Variants in GARNL3 observed in about 807,000 individuals in gnomAD.
GARNL3 encodes GTPase activating Rap/RanGAP domain like 3, also known as GTPase-activating Rap/Ran-GAP domain-like protein 3.
A neutral mutation model predicts 125.0 loss-of-function variants in GARNL3; 63 were observed. The ratio of observed to expected loss-of-function variants is 0.50; its 90% CI spans 0.41 to 0.62. The LOEUF (loss-of-function observed/expected upper bound fraction) is 0.62. Ranked by LOEUF, GARNL3 falls within the 20% of genes least tolerant of loss-of-function variation. The pLI is 0.00. For missense variants in GARNL3, 994 were observed against 1,244.0 expected (o/e 0.80, Z 3.02); for synonymous variants, 439 against 457.5 (o/e 0.96, Z 0.52).
intron 22 of GARNL3, among the ~76,000 whole-genome samples, chr9:127,370,360 A>T (rs949252772): frequency 3.3e-5 from 5 of 152,238 alleles, no homozygotes; most frequent in African/African-American, 1.2e-4. Context: ...GTTAAACTGT[A>T]CAGGATTCCA....
At chr9:127,278,218 A>T (rs1450706103) in intron 1 of GARNL3, among the ~76,000 whole-genome samples, 2 of 152,244 alleles carry the variant, frequency 1.3e-5, no homozygotes, top group Non-Finnish European at 2.9e-5. Context: ...AATCCTACAA[A>T]TAATCACTAT....
intron 11 of GARNL3, among the ~76,000 whole-genome samples, chr9:127,337,248 GTTC>G (rs563548385): frequency 1.0e-3 from 152 of 152,284 alleles, no homozygotes; most frequent in Admixed American, 2.7e-3. Context: ...TCTAGAGGTG[GTTC>G]TTCTTGTATA....
chr9:127,388,384 C>T, intron 25 of GARNL3: 1 of 153,880 alleles, frequency 6.5e-6, no homozygotes, highest in Non-Finnish European at 1.4e-5. Context: ...CAACTTGCAA[C>T]AGCAGTTATT....
intron 7 of GARNL3, among the ~76,000 whole-genome samples, chr9:127,330,160 T>C (rs1829143809): frequency 6.6e-6 from 1 of 152,268 alleles, no homozygotes; most frequent in South Asian, 2.1e-4. Flanking sequence ...CAGGTGATTC[T>C]GATGCCTAGT....
At chr9:127,343,949 C>T (rs1830002638) in intron 14 of GARNL3, among the ~76,000 whole-genome samples, 1 of 152,046 alleles carries the variant, frequency 6.6e-6, no homozygotes. Flanking sequence ...TGTGGTGGCC[C>T]AGGTCACACT....
intron 2 of GARNL3, among the ~76,000 whole-genome samples, chr9:127,245,782 C>T (rs2063291373): frequency 6.6e-6 from 1 of 152,226 alleles, no homozygotes; most frequent in Admixed American, 6.5e-5. Flanking sequence ...CTCCACTTTA[C>T]AGGTAAGGGT....
chr9:127,261,621 C>A (rs2063593750), upstream of GARNL3, among the ~76,000 whole-genome samples: 1 of 151,972 alleles, frequency 6.6e-6, no homozygotes, highest in Non-Finnish European at 1.5e-5. Context: ...CCATGTTGGT[C>A]ATGCTGGTCT....
chr9:127,231,587 A>G (rs1455865583), intron 1 of GARNL3, among the ~76,000 whole-genome samples: 2 of 152,228 alleles, frequency 1.3e-5, no homozygotes, highest in African/African-American at 4.8e-5. Flanking sequence ...CCTGAAGATC[A>G]AATAATCTCA....
At chr9:127,284,234 T>C (rs1030058607) in intron 1 of GARNL3, among the ~76,000 whole-genome samples, 1 of 152,142 alleles carries the variant, frequency 6.6e-6, no homozygotes, top group African/African-American at 2.4e-5. Context: ...TCTTAAAATA[T>C]TTTTCATTGT....
intron 2 of GARNL3, among the ~76,000 whole-genome samples, chr9:127,305,594 A>T (rs2131436599): frequency 6.6e-6 from 1 of 152,002 alleles, no homozygotes; most frequent in South Asian, 2.1e-4. Flanking sequence ...TTCTTAAGAA[A>T]CAGGGTCTTG....
At chr9:127,226,931 G>A (rs1242293161) in intron 1 of GARNL3, among the ~76,000 whole-genome samples, 1 of 152,208 alleles carries the variant, frequency 6.6e-6, no homozygotes, top group East Asian at 1.9e-4. Flanking sequence ...ATGGAGCAGC[G>A]CTGTCCCGTG....
intron 2 of GARNL3, among the ~76,000 whole-genome samples, chr9:127,248,011 A>G (rs2063333105): frequency 6.6e-6 from 1 of 152,218 alleles, no homozygotes; most frequent in African/African-American, 2.4e-5. Flanking sequence ...TAGTTCCACA[A>G]ATAAGTGAAA....
chr9:127,334,902 C>A lies in GARNL3; in HGVS notation c.770-328C>A, dbSNP rs1353593686. 2.0e-5 allele frequency among the ~76,000 whole-genome samples: 3 copies of A among 152,312 alleles called. No homozygotes were observed. The East Asian group carries it at 5.8e-4, about 29-fold the overall frequency. ...GGCTTATGGACATAATTGTTTGTGT[C>A]ATCTTGTGTTAATTTCATCCCGTAC... is the stretch of plus-strand genomic sequence containing the variant. On this transcript the variant is annotated intron_variant, in intron 9 of 27. Transcript: ENST00000373387.
At chr9:127,283,159 A>G (rs756610188) in intron 1 of GARNL3, among the ~76,000 whole-genome samples, 8 of 152,194 alleles carry the variant, frequency 5.3e-5, no homozygotes, top group Non-Finnish European at 2.9e-5. Flanking sequence ...TGGGAAACCA[A>G]TTTGATTTGG....
chr9:127,330,474 T>G (rs1339900236), intron 7 of GARNL3, among the ~76,000 whole-genome samples: 1 of 152,218 alleles, frequency 6.6e-6, no homozygotes, highest in African/African-American at 2.4e-5. Flanking sequence ...ATGCATACAG[T>G]CACTTATGTC....
chr9:127,251,658 C>T (rs2063405897), intron 2 of GARNL3, among the ~76,000 whole-genome samples: 1 of 152,092 alleles, frequency 6.6e-6, no homozygotes, highest in African/African-American at 2.4e-5. Flanking sequence ...TCCATTAAGG[C>T]AAAATTCATG....
intron 20 of GARNL3, among the ~76,000 whole-genome samples, chr9:127,356,930 A>T (rs780365370): frequency 2.0e-5 from 3 of 152,274 alleles, no homozygotes; most frequent in Admixed American, 2.0e-4. Flanking sequence ...ACCAGACGAC[A>T]TAAGGGATAA....
chr9:127,350,373 C>T (rs1335267852), intron 17 of GARNL3, among the ~76,000 whole-genome samples: 1 of 152,032 alleles, frequency 6.6e-6, no homozygotes, highest in Non-Finnish European at 1.5e-5. Context: ...ATTGTAGGGG[C>T]TAAATAAAGT....
At chr9:127,247,409 C>A (rs1256759593) in intron 2 of GARNL3, among the ~76,000 whole-genome samples, 1 of 152,142 alleles carries the variant, frequency 6.6e-6, no homozygotes, top group Non-Finnish European at 1.5e-5. Flanking sequence ...AGATCCAGGG[C>A]CTCAATGCTG....
Sources: allele counts gnomAD v4.1 joint callset (sites outside exome capture counted in the v4.1 genomes callset), GRCh38; gene constraint gnomAD v4.1.1; transcripts MANE v1.5; gene names NCBI Gene and HGNC (gene_info 2026-07-23, HGNC 2026-07-21).